PELI2: variants seen among roughly 807,000 people sequenced by gnomAD.
The protein encoded by PELI2 is E3 ubiquitin-protein ligase pellino homolog 2.
In PELI2, 23 loss-of-function variants were observed where a neutral mutation model predicts 42.3. The ratio of observed to expected loss-of-function variants is 0.54; its 90% CI spans 0.39 to 0.77. PELI2 has a LOEUF of 0.77. Among genes scored for constraint, PELI2 ranks in the 30% least tolerant of loss-of-function variants. The pLI is 0.00. For synonymous variants in PELI2, 245 were observed against 212.2 expected, an observed-to-expected ratio of 1.15 and a Z score of -1.34; for missense variants, 463 against 553.2, an observed-to-expected ratio of 0.84 and a Z score of 1.64.
At chr14:56,124,775 A>G (rs1883190223) in intron 1 of PELI2, among the ~76,000 whole-genome samples, 2 of 152,198 alleles carry the variant, frequency 1.3e-5, no homozygotes, top group African/African-American at 4.8e-5. Context: ...TGGAGATAAG[A>G]GGGAAGGAGT....
At position 56,168,802 on chromosome 14, in the gene PELI2, T is replaced by G. The variant is rs368579483; in HGVS notation, c.78-9533T>G. Reference sequence around the variant, plus strand: ...CTGAGTCTCAACAGAAGCCAGCAAGTCTCACCAGAAGCCACCAAGGCCCTT... The same window carrying G: ...CTGAGTCTCAACAGAAGCCAGCAAGGCTCACCAGAAGCCACCAAGGCCCTT... On this transcript the variant is annotated intron_variant, in intron 1 of 5. Transcript: ENST00000267460. Among the ~76,000 whole-genome samples the G allele has an allele frequency of 3.9e-5, 6 of 152,224 alleles. No individual in the cohort carries two copies. The East Asian group carries it at 7.8e-4, about 20-fold the overall frequency.
At chr14:56,148,417 T>C (rs1442488060) in intron 1 of PELI2, among the ~76,000 whole-genome samples, 3 of 152,182 alleles carry the variant, frequency 2.0e-5, no homozygotes, top group African/African-American at 7.2e-5. Context: ...AAAAGGACCT[T>C]CACAGTACAG....
chr14:56,261,215 AC>A (rs1214478878), intron 2 of PELI2, among the ~76,000 whole-genome samples: 3 of 152,158 alleles, frequency 2.0e-5, no homozygotes, highest in Non-Finnish European at 4.4e-5. Flanking sequence ...TTGCATTAAT[AC>A]TTGGTAACTG....
intron 2 of PELI2, among the ~76,000 whole-genome samples, chr14:56,244,652 A>G (rs1235805046): frequency 3.3e-5 from 5 of 152,206 alleles, no homozygotes; most frequent in Non-Finnish European, 7.3e-5. Flanking sequence ...TGAAAACTCC[A>G]TCACTGAATG....
At chr14:56,252,097 G>A (rs561859177) in intron 2 of PELI2, among the ~76,000 whole-genome samples, 74 of 152,326 alleles carry the variant, frequency 4.9e-4, no homozygotes, top group Middle Eastern at 6.8e-3. Flanking sequence ...TGTTTGTTCA[G>A]CAAACACTGA....
At chr14:56,165,713 C>T (rs1884931403) in intron 1 of PELI2, among the ~76,000 whole-genome samples, 1 of 151,976 alleles carries the variant, frequency 6.6e-6, no homozygotes, top group African/African-American at 2.4e-5. Flanking sequence ...TGTATTGGGG[C>T]TTATCTGTCT....
At chr14:56,191,015 C>G (rs1465922690) in intron 2 of PELI2, among the ~76,000 whole-genome samples, 1 of 152,192 alleles carries the variant, frequency 6.6e-6, no homozygotes, top group East Asian at 1.9e-4. Flanking sequence ...ATGGTAAACT[C>G]TGGATTTTAT....
At position 56,297,074 on chromosome 14, in the gene PELI2, C is replaced by T. The variant is rs1416538593; in HGVS notation, c.1171C>T (p.His391Tyr). The stretch of plus-strand genomic sequence containing the variant: ...TCAGATCCCGTTGCCTCATGGAACT[C>T]ATGCATTTCACGCTGCTTGCCCTTT... ...WSQIPLPHGT[H>Y]AFHAACPFCA... The change falls in exon 6 of 6, where the codon CAT (histidine) becomes TAT (tyrosine). Residue 391 changes from histidine to tyrosine, a missense_variant. Physicochemically the swap from His to Tyr is moderately conservative, Grantham distance 83 (BLOSUM62 2). This residue lies in a region of PELI2 where 103 missense variants were observed against 129.6 expected (regional missense o/e 0.80). Transcript: ENST00000267460. The T allele has an allele frequency of 4.3e-6, 7 of 1,612,334 alleles. No individual in the cohort carries two copies. In the South Asian group the frequency reaches 7.7e-5, roughly 18 times the overall value.
intron 2 of PELI2, among the ~76,000 whole-genome samples, chr14:56,253,181 A>G (rs942404551): frequency 6.6e-6 from 1 of 152,210 alleles, no homozygotes; most frequent in Non-Finnish European, 1.5e-5. Flanking sequence ...TCAATAAACT[A>G]GGTATTGATG....
rs955984043 is a variant in PELI2, at chr14:56,273,666, A to T, written c.208-6010A>T. On this transcript the variant is annotated intron_variant, in intron 2 of 5. Transcript: ENST00000267460. The surrounding 1 kb of genome is among the most constrained non-coding windows in gnomAD (Gnocchi z 4.3). ...TATTGGATTAATTATGAAGGTAATAATGCTAACTGTATGTGAACAACAGTG... is the reference window on the plus strand; with the variant it reads ...TATTGGATTAATTATGAAGGTAATATTGCTAACTGTATGTGAACAACAGTG... Among the ~76,000 whole-genome samples the T allele has an allele frequency of 1.3e-5, 2 of 152,214 alleles. No homozygotes were observed. Among genetic ancestry groups the T allele is most frequent in the Non-Finnish European group, 2.9e-5 (2 of 68,040 alleles).
chr14:56,144,895 CCTA>C (rs1884057541), intron 1 of PELI2: 1 of 735,564 alleles, frequency 1.4e-6, no homozygotes, highest in Non-Finnish European at 1.7e-6. Flanking sequence ...GGATTTCCAT[CCTA>C]CTATTTCTTT....
chr14:56,158,441 C>T (rs1595564897), intron 1 of PELI2, among the ~76,000 whole-genome samples: 1 of 152,184 alleles, frequency 6.6e-6, no homozygotes, highest in Non-Finnish European at 1.5e-5. Context: ...TCCTGGGCTC[C>T]AGTGGTCCTC....
chr14:56,133,377 T>TA (rs1430509660), intron 1 of PELI2, among the ~76,000 whole-genome samples: 7 of 152,208 alleles, frequency 4.6e-5, no homozygotes, highest in African/African-American at 1.7e-4. Context: ...AAGGTCTCTG[T>TA]ATGTTTTAAC....
At chr14:56,243,994 G>C (rs906751951) in intron 2 of PELI2, among the ~76,000 whole-genome samples, 2 of 152,090 alleles carry the variant, frequency 1.3e-5, no homozygotes, top group African/African-American at 4.8e-5. Context: ...TTGTCAAATA[G>C]GGGCATAAAA....
chr14:56,135,621 A>G (rs936295665), intron 1 of PELI2, among the ~76,000 whole-genome samples: 5 of 152,224 alleles, frequency 3.3e-5, no homozygotes, highest in Admixed American at 6.5e-5. Context: ...CATGGTGACT[A>G]TTATTAAATT....
chr14:56,253,557 C>G (rs1888423975), intron 2 of PELI2, among the ~76,000 whole-genome samples: 1 of 152,138 alleles, frequency 6.6e-6, no homozygotes, highest in Admixed American at 6.6e-5. Context: ...ACACCAATAA[C>G]AGACAAACAG....
At chr14:56,277,460 G>A (rs1889334771) in intron 2 of PELI2, among the ~76,000 whole-genome samples, 1 of 151,580 alleles carries the variant, frequency 6.6e-6, no homozygotes, top group African/African-American at 2.4e-5. Context: ...ACAAGCTCAG[G>A]GCTCCCACTG....
chr14:56,288,564 A>G lies in PELI2; in HGVS notation c.437A>G (p.Asp146Gly). ...AGGTTCGCCTGCAGGATCGTGTGCGACAGGAATGAACCTTACACAGCACGG... is the reference window on the plus strand; with the variant it reads ...AGGTTCGCCTGCAGGATCGTGTGCGGCAGGAATGAACCTTACACAGCACGG... ...ISRFACRIVCDRNEPYTARIF... is the reference protein window; with the variant it reads ...ISRFACRIVCGRNEPYTARIF... Residue 146 changes from aspartate (D) to glycine (G), a missense_variant, in exon 4 of 6, where the codon GAC (aspartate) becomes GGC (glycine). Asp to Gly is a moderately conservative substitution (Grantham distance 94). Coordinates refer to ENST00000267460, the MANE Select transcript of PELI2 (RefSeq NM_021255.3). The surrounding 1 kb of genome is among the most constrained non-coding windows in gnomAD (Gnocchi z 4.6). 1.2e-6 allele frequency: 2 copies of G among 1,614,100 alleles called. No individual in the cohort carries two copies. Among genetic ancestry groups the G allele is most frequent in the Non-Finnish European group, 1.7e-6 (2 of 1,179,974 alleles).
chr14:56,257,989 C>T (rs768034542), intron 2 of PELI2, among the ~76,000 whole-genome samples: 5 of 152,090 alleles, frequency 3.3e-5, no homozygotes, highest in African/African-American at 1.2e-4. Flanking sequence ...CATGGTGAAG[C>T]GCCACAGAAT....
Sources: allele counts gnomAD v4.1 joint callset (sites outside exome capture counted in the v4.1 genomes callset), GRCh38; gene constraint gnomAD v4.1.1; regional missense constraint gnomAD v4.1.1; non-coding constraint Gnocchi (gnomAD v3.1); transcripts MANE v1.5; gene names NCBI Gene and HGNC (gene_info 2026-07-23, HGNC 2026-07-21).